The following WDR36 variants were observed in gnomAD, a reference collection of about 807,000 sequenced individuals.
WDR36 encodes the protein WD repeat-containing protein 36.
A neutral mutation model predicts 112.7 loss-of-function variants in WDR36; 63 were observed. The ratio of observed to expected loss-of-function variants is 0.56; its 90% confidence interval spans 0.46 to 0.69. The LOEUF (loss-of-function observed/expected upper bound fraction) is 0.69. Ranked by LOEUF, WDR36 falls within the 30% of genes least tolerant of loss-of-function variation. The pLI is 0.00. For synonymous variants in WDR36, 410 were observed against 362.2 expected (o/e 1.13, Z -1.50); for missense variants, 1,226 against 1,070.3 (o/e 1.15, Z -2.03).
At position 111,123,937 on chromosome 5, in the gene WDR36, T is replaced by A; in HGVS notation, c.2268+13T>A. On this transcript the variant is annotated intron_variant, in intron 20 of 22. Transcript: ENST00000513710. ...TGATCCCCAGCAGGTAAAAAACAAA[T>A]TAGAAGATTCTAAGTATATCGGTGT... The A allele has an allele frequency of 6.2e-7, 1 of 1,613,320 alleles. No homozygotes were observed. Among genetic ancestry groups the A allele is most frequent in the Non-Finnish European group, 8.5e-7 (1 of 1,179,868 alleles).
intron 1 of WDR36, among the ~76,000 whole-genome samples, chr5:111,094,289 C>A (rs1308836497): frequency 6.6e-6 from 1 of 152,098 alleles, no homozygotes; most frequent in Non-Finnish European, 1.5e-5. Context: ...CATAACAATC[C>A]CATAAAGTAA....
At position 111,108,795 on chromosome 5, in the gene WDR36, A is replaced by G. The variant is rs1753269019; in HGVS notation, c.1326+1356A>G. 2.6e-5 allele frequency among the ~76,000 whole-genome samples: 4 copies of G among 151,386 alleles called. No homozygotes were observed. The South Asian group carries it at 8.3e-4, about 31-fold the overall frequency. ...GAAGCGAGTAAGGGGCAGAGCTGGG[A>G]TTTGAACCTAAGACAATTCATTCTA... On this transcript the variant is annotated intron_variant, in intron 12 of 22. Transcript: ENST00000513710.
At position 111,110,962 on chromosome 5, in the gene WDR36, T is replaced by C; in HGVS notation, c.1607+9T>C. On this transcript the variant is annotated intron_variant, in intron 14 of 22. Transcript: ENST00000513710. ...TTGCTACATAGGGACAGGTAAACTT[T>C]TAATGATAATGGATTTTCTCTTTGA... The C allele has an allele frequency of 6.2e-7, 1 of 1,610,656 alleles. No homozygotes were observed. The highest frequency in any genetic ancestry group is 8.5e-7 in the Non-Finnish European group (1 of 1,177,906).
At chr5:111,116,261 T>A (rs1217976234) in intron 16 of WDR36, among the ~76,000 whole-genome samples, 2 of 152,138 alleles carry the variant, frequency 1.3e-5, no homozygotes, top group African/African-American at 4.8e-5. Context: ...ATTGAGTTCT[T>A]TGAGGGGTGA....
In WDR36 at chr5:111,111,228, A is replaced by G. The variant is rs1228143477; in HGVS notation, c.1666A>G (p.Arg556Gly). The G allele has an allele frequency of 1.2e-6, 2 of 1,611,914 alleles. No homozygotes were observed. The highest frequency in any genetic ancestry group is 2.2e-5 in the East Asian group (1 of 44,800). The part of the protein sequence containing the change: ...FSISVLDIET[R>G]KIVREFSGHQ... ...CATTAGTGTTCTGGACATAGAAACTAGGAAGATTGTCAGAGAGTTTTCTGG... is the reference window on the plus strand; with the variant it reads ...CATTAGTGTTCTGGACATAGAAACTGGGAAGATTGTCAGAGAGTTTTCTGG... Residue 556 changes from arginine to glycine, a missense_variant, in exon 15 of 23, where the codon AGG (arginine) becomes GGG (glycine). Transcript: ENST00000513710.
At position 111,123,898 on chromosome 5, in the gene WDR36, C is replaced by T; in HGVS notation, c.2242C>T (p.Pro748Ser). 1 of 1,613,708 alleles carries T rather than the reference C, an allele frequency of 6.2e-7. No homozygotes were observed. Among genetic ancestry groups the T allele is most frequent in the Non-Finnish European group, 8.5e-7 (1 of 1,179,872 alleles). Residue 748 changes from proline to serine, a missense_variant, in exon 20 of 23, where the codon CCT becomes TCT. Physicochemically the swap from Pro to Ser is moderately conservative, Grantham distance 74. Coordinates refer to ENST00000513710, the MANE Select transcript of WDR36 (RefSeq NM_139281.3). ...TGGCCTTGTACCCAGATATGCTGCA[C>T]CTGAACAAAATAATGATCCCCAGCA... Reference protein sequence around the residue: ...IPGLVPRYAAPEQNNDPQQSK... With the variant: ...IPGLVPRYAASEQNNDPQQSK...
At position 111,129,996 on chromosome 5, in the gene WDR36, CT is replaced by C. The variant is rs550840521; in HGVS notation, c.*3114del. 29 of 211,570 alleles carry C rather than the reference CT, an allele frequency of 1.4e-4. No individual in the cohort carries two copies. The highest frequency in any genetic ancestry group is 2.4e-4 in the Non-Finnish European group (25 of 104,472). The allele number at this position is 211,570 out of a possible 1,614,324, so 13.1% of individuals were successfully genotyped here. A position where few individuals can be genotyped will look rare whatever the true frequency, so the allele number is the denominator to read the frequency against. On this transcript the variant is annotated 3_prime_UTR_variant, in exon 23 of 23. Transcript: ENST00000513710. ...TTATGTGTTAAATTCTTTCACTGAG[CT>C]CTTCCATATTCCTAGTAAATGATGC...
rs1561702881 is a variant in WDR36, at chr5:111,102,313, A to G, written c.543-32A>G. Reference sequence around the variant, plus strand: ...TATTGTTTTCCTCCAAAAAAAAAAAAATACAGCTTTCAACTATTTTTCTTC... The same window carrying G: ...TATTGTTTTCCTCCAAAAAAAAAAAGATACAGCTTTCAACTATTTTTCTTC... On this transcript the variant is annotated intron_variant, in intron 5 of 22. Transcript: ENST00000513710. 1.9e-6 allele frequency: 3 copies of G among 1,584,200 alleles called. No homozygotes were observed. The South Asian group carries it at 3.5e-5, about 18-fold the overall frequency.
chr5:111,104,511 T>C (rs1422384776), intron 8 of WDR36, among the ~76,000 whole-genome samples, 159 bp downstream of exon 8: 4 of 151,692 alleles, frequency 2.6e-5, no homozygotes, highest in Non-Finnish European at 5.9e-5. Context: ...GGTGACATGA[T>C]TGCAGTGAAG....
At chr5:111,098,309 C>T (rs572716999) in intron 3 of WDR36, among the ~76,000 whole-genome samples, 1 of 148,608 alleles carries the variant, frequency 6.7e-6, no homozygotes, top group African/African-American at 2.4e-5. Context: ...CCTATATCCC[C>T]CTTTCCCATC....
intron 1 of WDR36, 44 bp from the exon 2 acceptor site, chr5:111,094,876 T>G: frequency 6.8e-7 from 1 of 1,478,814 alleles, no homozygotes; most frequent in Non-Finnish European, 9.3e-7. Context: ...TTATTATGAT[T>G]ATGTTTGTTA....
rs780809161 is a variant in WDR36, at chr5:111,103,885, T to G, written c.697T>G (p.Trp233Gly). ...AACATTAATGAAGTTTCGTCAAGAC[T>G]GGGGACCCATTACTTCAATTTCATT... ...NETLMKFRQD[W>G]GPITSISFRT... Residue 233 changes from tryptophan to glycine, a missense_variant, in exon 7 of 23, where the codon TGG becomes GGG. Transcript: ENST00000513710. 1.7e-5 allele frequency: 28 copies of G among 1,611,234 alleles called. 1 individual carries two copies. Among genetic ancestry groups the G allele is most frequent in the South Asian group, 1.6e-4 (15 of 91,006 alleles).
At chr5:111,104,139 A>G (rs1262729394) in intron 7 of WDR36, 38 bp from the exon 8 acceptor site, 7 of 1,566,374 alleles carry the variant, frequency 4.5e-6, no homozygotes, top group South Asian at 3.4e-5. Context: ...TGGGGGATCT[A>G]GAAGTATTTT....
chr5:111,093,051 T>G (rs1752901088), intron 1 of WDR36, among the ~76,000 whole-genome samples: 1 of 152,258 alleles, frequency 6.6e-6, no homozygotes, highest in South Asian at 2.1e-4. Flanking sequence ...CCGGAGATGG[T>G]GAGATTAATT....
At chr5:111,094,772 A>T (rs1752941298) in intron 1 of WDR36, 148 bp from the exon 2 acceptor site, 1 of 672,972 alleles carries the variant, frequency 1.5e-6, no homozygotes, top group Non-Finnish European at 2.5e-6. Flanking sequence ...AAACTTTCCT[A>T]ATAAAGAAAA....
At chr5:111,118,050 C>T (rs1256510053) in intron 16 of WDR36, among the ~76,000 whole-genome samples, 1 of 152,120 alleles carries the variant, frequency 6.6e-6, no homozygotes, top group Non-Finnish European at 1.5e-5. Flanking sequence ...ATTCTGATGG[C>T]AAGTTTTTAT....
intron 21 of WDR36, among the ~76,000 whole-genome samples, chr5:111,125,145 G>C (rs571097737): frequency 6.6e-6 from 1 of 152,126 alleles, no homozygotes; most frequent in Non-Finnish European, 1.5e-5. Context: ...TGTACTGTTA[G>C]TAATATAGTT....
At chr5:111,095,790 C>T (rs1452192259) in intron 2 of WDR36, among the ~76,000 whole-genome samples, 1 of 152,172 alleles carries the variant, frequency 6.6e-6, no homozygotes, top group South Asian at 2.1e-4. Flanking sequence ...GCCATCATTC[C>T]TTCTACTGTA....
Position 111,110,869 on chromosome 5 carries a change from A to G in WDR36, c.1523A>G (p.Lys508Arg). ...TVTTGSEGLL[K>R]FWNFKNKILI... ...ACAACTGGTAGTGAAGGATTACTCA[A>G]ATTCTGGAACTTTAAAAACAAAATT... Residue 508 changes from lysine to arginine, a missense_variant, in exon 14 of 23, where the codon AAA (lysine) becomes AGA (arginine). By Grantham distance (26) the Lys-to-Arg change is conservative. Transcript: ENST00000513710. The G allele has an allele frequency of 1.2e-6, 2 of 1,611,854 alleles. No individual in the cohort carries two copies. Among genetic ancestry groups the G allele is most frequent in the Non-Finnish European group, 1.7e-6 (2 of 1,178,582 alleles).
Sources: allele counts gnomAD v4.1 joint callset (sites outside exome capture counted in the v4.1 genomes callset), GRCh38; gene constraint gnomAD v4.1.1; transcripts MANE v1.5; gene names NCBI Gene and HGNC (gene_info 2026-07-23, HGNC 2026-07-21).